The following AGBL1 variants were observed in gnomAD, a reference collection of about 807,000 sequenced individuals.
AGBL1 encodes AGBL carboxypeptidase 1.
AGBL1 carries 130 observed loss-of-function variants against 118.9 expected under a neutral mutation model. The observed-to-expected ratio is 1.09, with a 90% CI of 0.95 to 1.26. The LOEUF (loss-of-function observed/expected upper bound fraction) is 1.26. AGBL1 is among the 50% of genes most tolerant of loss of function. The pLI, the probability that AGBL1 is intolerant of heterozygous loss-of-function variation, is 0.00. For missense variants in AGBL1, 1,584 were observed against 1,298.1 expected (o/e 1.22, Z -3.38); for synonymous variants, 555 against 478.9 (o/e 1.16, Z -2.08).
rs2080384721 is a variant in AGBL1 at position 86,913,863 on chromosome 15, G to A, written c.*6569G>A. The A allele has an allele frequency of 6.6e-6, 1 of 152,308 alleles. No homozygotes were observed. The highest frequency in any genetic ancestry group is 1.5e-5 in the Non-Finnish European group (1 of 68,056). The allele number at this position is 152,308 out of a possible 1,614,324, so 9.4% of individuals were successfully genotyped here. A position where few individuals can be genotyped will look rare whatever the true frequency, so the allele number is the denominator to read the frequency against. Reference sequence around the variant, plus strand: ...CACTCCTGCCTAGGTGGCAGAGTGAGACCCTGTACTCTGTCTAAAAGTAAA... The same window carrying A: ...CACTCCTGCCTAGGTGGCAGAGTGAAACCCTGTACTCTGTCTAAAAGTAAA... On this transcript the variant is annotated 3_prime_UTR_variant, in exon 23 of 23. Coordinates refer to ENST00000614907, the MANE Select transcript of AGBL1 (RefSeq NM_001386094.1).
rs949772491 is a variant in AGBL1 at position 86,779,426 on chromosome 15, A to G, written c.3158+104990A>G. On this transcript the variant is annotated intron_variant, in intron 22 of 22. Coordinates refer to ENST00000614907, the MANE Select transcript of AGBL1 (RefSeq NM_001386094.1). ...GTATTCCATTGTGTGAATATTATTT[A>G]TCCATTGGAATCATTTATTCCCTGA... 2.6e-5 allele frequency among the ~76,000 whole-genome samples: 4 copies of G among 152,320 alleles called. No individual in the cohort carries two copies. The East Asian group carries it at 7.7e-4, about 29-fold the overall frequency.
chr15:86,368,573 T>C (rs2080925842), intron 17 of AGBL1, among the ~76,000 whole-genome samples: 1 of 152,106 alleles, frequency 6.6e-6, no homozygotes, highest in East Asian at 1.9e-4. Flanking sequence ...TTCAAAAAAG[T>C]AAATGGGATA....
In AGBL1 at chr15:86,236,081, T is replaced by G. The variant is rs748222269; in HGVS notation, c.526+11130T>G. 2.8e-4 allele frequency among the ~76,000 whole-genome samples: 42 copies of G among 152,242 alleles called. 1 individual carries two copies. The highest frequency in any genetic ancestry group is 1.0e-4 in the Non-Finnish European group (7 of 68,042). ...CTCCTTCCTTTCACTACTGCAGGTT[T>G]TAAACTTTTTTTTGAAAGAAATGAA... On this transcript the variant is annotated intron_variant, in intron 6 of 22. Transcript: ENST00000614907.
intron 18 of AGBL1, among the ~76,000 whole-genome samples, chr15:86,475,162 A>G (rs1188577018): frequency 6.6e-6 from 1 of 152,232 alleles, no homozygotes; most frequent in African/African-American, 2.4e-5. Context: ...TAAAAATCAG[A>G]GTGCCTCTCC....
In AGBL1 at chr15:86,420,962, A is replaced by G. The variant is rs200028977; in HGVS notation, c.2555+23416A>G. On this transcript the variant is annotated intron_variant, in intron 18 of 22. Coordinates refer to ENST00000614907, the MANE Select transcript of AGBL1 (RefSeq NM_001386094.1). ...CCTCCAAGAAATATGGGACTATGTG[A>G]AAAGATCAAATCTATGTTTGATTGG... Among the ~76,000 whole-genome samples, 7 of 152,348 alleles carry G rather than the reference A, an allele frequency of 4.6e-5. No individual in the cohort carries two copies. In the East Asian group the frequency reaches 7.7e-4, roughly 17 times the overall value.
At chr15:86,668,397 CTT>C (rs1252007007) in intron 21 of AGBL1, among the ~76,000 whole-genome samples, 2 of 151,890 alleles carry the variant, frequency 1.3e-5, no homozygotes, top group Non-Finnish European at 2.9e-5. Flanking sequence ...TTATTGTTTC[CTT>C]TTTGTGCCTT....
chr15:86,287,374 A>G (rs890198149), intron 16 of AGBL1, among the ~76,000 whole-genome samples: 1 of 151,982 alleles, frequency 6.6e-6, no homozygotes, highest in African/African-American at 2.4e-5. Flanking sequence ...CCTATTGTCT[A>G]CTTTTGCTTT....
intron 6 of AGBL1, among the ~76,000 whole-genome samples, chr15:86,238,563 T>A (rs1202934593): frequency 6.6e-6 from 1 of 152,234 alleles, no homozygotes; most frequent in Non-Finnish European, 1.5e-5. Context: ...TTTTCTCAAA[T>A]CTAAGTCTAT....
intron 1 of AGBL1, among the ~76,000 whole-genome samples, chr15:86,128,763 T>G (rs2076780745): frequency 6.6e-6 from 1 of 152,208 alleles, no homozygotes; most frequent in South Asian, 2.1e-4. Flanking sequence ...TAATCTGTAC[T>G]TATGTAGCAG....
chr15:86,562,010 C>T (rs1196478283), intron 21 of AGBL1, among the ~76,000 whole-genome samples: 1 of 152,110 alleles, frequency 6.6e-6, no homozygotes, highest in East Asian at 1.9e-4. Flanking sequence ...ATTTTGTATC[C>T]TGAGACTTTG....
chr15:86,861,383 A>G (rs1290998092), intron 22 of AGBL1, among the ~76,000 whole-genome samples: 2 of 152,204 alleles, frequency 1.3e-5, no homozygotes, highest in Non-Finnish European at 2.9e-5. Context: ...GGACTGTCTC[A>G]AGAACAGTTT....
In AGBL1 at chr15:86,907,514, G is replaced by A. The variant is rs2080296912; in HGVS notation, c.*220G>A. On this transcript the variant is annotated 3_prime_UTR_variant, in exon 23 of 23. Coordinates refer to ENST00000614907, the MANE Select transcript of AGBL1 (RefSeq NM_001386094.1). ...TATATTAGAGTTAGGTAGCCCTTGG[G>A]GCCTATGCAAGCTGCTATTGTACTT... 1 of 152,070 alleles carries A rather than the reference G, an allele frequency of 6.6e-6. No homozygotes were observed. Among genetic ancestry groups the A allele is most frequent in the Admixed American group, 6.6e-5 (1 of 15,262 alleles). 9.4% of individuals were successfully genotyped at this position (152,070 alleles called of 1,614,324 possible). A position where few individuals can be genotyped will look rare whatever the true frequency, so the allele number is the denominator to read the frequency against.
chr15:86,655,581 C>A (rs533152501), intron 21 of AGBL1, among the ~76,000 whole-genome samples: 4 of 152,050 alleles, frequency 2.6e-5, no homozygotes, highest in Non-Finnish European at 5.9e-5. Flanking sequence ...GTACATCGTA[C>A]CTCTAGGAAA....
intron 18 of AGBL1, among the ~76,000 whole-genome samples, chr15:86,443,032 T>C (rs1596121300): frequency 6.6e-6 from 1 of 152,344 alleles, no homozygotes; most frequent in East Asian, 1.9e-4. Context: ...TGTACCAGCC[T>C]GTGCATCTCT....
chr15:86,498,199 A>T (rs1255500076), intron 18 of AGBL1, among the ~76,000 whole-genome samples: 1 of 151,882 alleles, frequency 6.6e-6, no homozygotes, highest in Non-Finnish European at 1.5e-5. Context: ...TTTCCTCTTT[A>T]TAATTGACCC....
At chr15:86,330,515 G>A (rs2080253383) in intron 17 of AGBL1, among the ~76,000 whole-genome samples, 1 of 152,204 alleles carries the variant, frequency 6.6e-6, no homozygotes. Context: ...CAAATTAGAA[G>A]TGCCAGCATC....
chr15:86,109,285 C>CA (rs1170066254), intron 1 of AGBL1, among the ~76,000 whole-genome samples: 1 of 151,994 alleles, frequency 6.6e-6, no homozygotes, highest in Non-Finnish European at 1.5e-5. Context: ...ACTACAAATA[C>CA]AAAATTAAGT....
intron 1 of AGBL1, among the ~76,000 whole-genome samples, chr15:86,112,647 G>C (rs1229492100): frequency 1.3e-5 from 2 of 152,142 alleles, no homozygotes; most frequent in Non-Finnish European, 2.9e-5. Context: ...CATTTTAAAG[G>C]CTTTTGATTA....
In AGBL1 at chr15:86,338,049, G is replaced by C. The variant is rs545467755; in HGVS notation, c.2374+42641G>C. Among the ~76,000 whole-genome samples the C allele has an allele frequency of 2.6e-4, 39 of 152,156 alleles. 1 individual carries two copies. The highest frequency in any genetic ancestry group is 8.2e-4 in the African/African-American group (34 of 41,522). On this transcript the variant is annotated intron_variant, in intron 17 of 22. Coordinates refer to ENST00000614907, the MANE Select transcript of AGBL1 (RefSeq NM_001386094.1). ...CTTTGAGTTTGCAATCTAGTGAAGG[G>C]ACACATAAACTGATTAATTGAAATG...
Sources: gnomAD v4.1 joint callset for allele counts (sites outside exome capture counted in the v4.1 genomes callset) on GRCh38, gnomAD v4.1.1 for gene constraint, MANE v1.5 for transcripts, NCBI Gene and HGNC (gene_info 2026-07-23, HGNC 2026-07-21) for gene names.